MAGI1: variants seen among roughly 807,000 people sequenced by gnomAD.
The protein encoded by MAGI1 is membrane-associated guanylate kinase, WW and PDZ domain-containing protein 1.
Under a neutral mutation model 139.9 loss-of-function variants are expected in MAGI1, and 58 were observed. The ratio of observed to expected loss-of-function variants is 0.41; its 90% CI spans 0.34 to 0.52. MAGI1 has a LOEUF of 0.52. Among genes scored for constraint, MAGI1 ranks in the 20% least tolerant of loss-of-function variants. MAGI1 has a pLI of 0.12. For missense variants in MAGI1, 1,874 were observed against 1,901.6 expected (o/e 0.99, Z 0.27); for synonymous variants, 812 against 737.9 (o/e 1.10, Z -1.63).
At chr3:65,955,932 A>G (rs2064106020) in intron 1 of MAGI1, among the ~76,000 whole-genome samples, 1 of 152,106 alleles carries the variant, frequency 6.6e-6, no homozygotes, top group Non-Finnish European at 1.5e-5. Context: ...GTGTCAAAAC[A>G]CAAGCTGAAG....
intron 1 of MAGI1, among the ~76,000 whole-genome samples, chr3:65,700,454 T>C (rs2089517641): frequency 6.6e-6 from 1 of 151,772 alleles, no homozygotes; most frequent in East Asian, 1.9e-4. Flanking sequence ...CATCTCAAAA[T>C]AAATAAATAA....
intron 1 of MAGI1, among the ~76,000 whole-genome samples, chr3:66,025,454 C>T (rs1209660803): frequency 2.0e-5 from 3 of 152,004 alleles, no homozygotes; most frequent in African/African-American, 4.8e-5. Context: ...ATGGGAAGAT[C>T]GCTTGAGCCC....
chr3:65,970,141 C>A lies in MAGI1; in HGVS notation c.313+67855G>T, dbSNP rs576649856. Among the ~76,000 whole-genome samples, 569 of 152,234 alleles carry A rather than the reference C, an allele frequency of 3.7e-3. 2 individuals carry two copies. Among genetic ancestry groups the A allele is most frequent in the African/African-American group, 0.013 (544 of 41,534 alleles). ...AACAAATCGAGGTGTGCATACATGG[C>A]AGAATATTTATTAAGCTCTAAAAAA... On this transcript the variant is annotated intron_variant, in intron 1 of 22. Coordinates refer to ENST00000402939, the MANE Select transcript of MAGI1 (RefSeq NM_001033057.2).
At chr3:65,488,855 T>A (rs1951798748) in intron 3 of MAGI1, among the ~76,000 whole-genome samples, 1 of 151,592 alleles carries the variant, frequency 6.6e-6, no homozygotes, top group Admixed American at 6.6e-5. Flanking sequence ...TATTTTTTTA[T>A]AGAGATGGGG....
chr3:65,453,271 C>G lies in MAGI1; in HGVS notation c.1029G>C (p.Glu343Asp). The part of the protein sequence containing the change: ...CLNKQQKPLE[E>D]CEDDEGVHTE... ...CTGGCCCCTTACCATCATCTTCACA[C>G]TCTTCCAGTGGCTTCTGCTGCTTGT... is the stretch of plus-strand genomic sequence containing the variant. Residue 343 changes from glutamate (E) to aspartate (D), a missense_variant, in exon 6 of 23, where the codon GAG (glutamate) becomes GAC (aspartate). By Grantham distance (45) the Glu-to-Asp change is conservative (BLOSUM62 2). Coordinates refer to ENST00000402939, the MANE Select transcript of MAGI1 (RefSeq NM_001033057.2). 1 of 1,613,768 alleles carries G rather than the reference C, an allele frequency of 6.2e-7. No individual in the cohort carries two copies. Among genetic ancestry groups the G allele is most frequent in the South Asian group, 1.1e-5 (1 of 91,076 alleles).
At chr3:65,791,075 A>G (rs1417839919) in intron 1 of MAGI1, among the ~76,000 whole-genome samples, 1 of 152,176 alleles carries the variant, frequency 6.6e-6, no homozygotes, top group Non-Finnish European at 1.5e-5. Context: ...ACTCCTCAAA[A>G]AAAAACCTTA....
chr3:65,867,366 T>A (rs2059765393), intron 1 of MAGI1, among the ~76,000 whole-genome samples: 1 of 152,176 alleles, frequency 6.6e-6, no homozygotes. Flanking sequence ...CAATCAACTG[T>A]AGAACAATTC....
intron 1 of MAGI1, among the ~76,000 whole-genome samples, chr3:65,943,348 G>C (rs2063400394): frequency 6.6e-6 from 1 of 152,002 alleles, no homozygotes; most frequent in Non-Finnish European, 1.5e-5. Context: ...GGCCAAGGTG[G>C]GCAGATCACG....
chr3:65,473,639 C>CAAAAAAAAAA, intron 4 of MAGI1, among the ~76,000 whole-genome samples: 1 of 87,356 alleles, frequency 1.1e-5, no homozygotes, highest in Non-Finnish European at 2.1e-5. Flanking sequence ...TACATGTTTA[C>CAAAAAAAAAA]AAAAAAAAAA....
At chr3:65,366,254 A>T (rs907137138) in intron 18 of MAGI1, among the ~76,000 whole-genome samples, 1 of 152,216 alleles carries the variant, frequency 6.6e-6, no homozygotes. Context: ...GAGACCTTGT[A>T]TAAGTTATTT....
intron 1 of MAGI1, among the ~76,000 whole-genome samples, chr3:65,631,109 A>G (rs567145631): frequency 6.6e-6 from 1 of 152,364 alleles, no homozygotes; most frequent in African/African-American, 2.4e-5. Flanking sequence ...CAAGTCCTGA[A>G]GTAGCCTAGA....
rs781735668 is a variant in MAGI1 at position 65,364,723 on chromosome 3, T to C, written c.3293A>G (p.Asn1098Ser). The C allele has an allele frequency of 8.1e-6, 13 of 1,613,908 alleles. No homozygotes were observed. The Admixed American group carries it at 2.2e-4, about 27-fold the overall frequency. Residue 1098 changes from asparagine (N) to serine (S), a missense_variant and splice_region_variant, in exon 20 of 23, where the codon AAT becomes AGT. Around this residue, in one of 5 missense-constraint regions of MAGI1, gnomAD observed 653 missense variants for 644.5 expected, o/e 1.01. Transcript: ENST00000402939. ...PSQQGTQETR[N>S]TTKPKQESQF... Reference sequence around the variant, plus strand: ...AGATTCCTGCTTTGGTTTGGTGGTATTCCTGCCAAAGTGAAAGAAATAAAT... The same window carrying C: ...AGATTCCTGCTTTGGTTTGGTGGTACTCCTGCCAAAGTGAAAGAAATAAAT...
chr3:65,670,411 T>C (rs998080020), intron 1 of MAGI1, among the ~76,000 whole-genome samples: 1 of 151,998 alleles, frequency 6.6e-6, no homozygotes, highest in South Asian at 2.1e-4. Flanking sequence ...TTTTTTTTAA[T>C]ATGGCTCAAG....
intron 1 of MAGI1, among the ~76,000 whole-genome samples, chr3:65,721,102 T>C (rs2032962515): frequency 2.0e-5 from 3 of 152,296 alleles, no homozygotes; most frequent in Admixed American, 1.3e-4. Flanking sequence ...GGGATGGCCC[T>C]GCAGTGTAGC....
intron 18 of MAGI1, among the ~76,000 whole-genome samples, chr3:65,373,980 T>G (rs1361065810): frequency 6.6e-6 from 1 of 152,224 alleles, no homozygotes; most frequent in African/African-American, 2.4e-5. Context: ...TTTCAAATCT[T>G]GAACTATAAA....
At chr3:65,377,787 T>C (rs985449198) in intron 17 of MAGI1, among the ~76,000 whole-genome samples, 3 of 152,198 alleles carry the variant, frequency 2.0e-5, no homozygotes, top group Non-Finnish European at 4.4e-5. Flanking sequence ...AAAGCACTGT[T>C]AGTAATAGGC....
At chr3:65,486,930 T>C (rs1008893861) in intron 3 of MAGI1, among the ~76,000 whole-genome samples, 2 of 152,192 alleles carry the variant, frequency 1.3e-5, no homozygotes, top group East Asian at 3.9e-4. Flanking sequence ...CTAGGAGTTA[T>C]CTTAGGAGGA....
At position 65,717,632 on chromosome 3, in the gene MAGI1, ACAT is replaced by A. The variant is rs2032433095; in HGVS notation, c.314-95547_314-95545del. ...AGAAACTGATATAACACTGAGGACA[ACAT>A]AAAAACGGAGATGAAAACATCTTGC... On this transcript the variant is annotated intron_variant, in intron 1 of 22. Coordinates refer to ENST00000402939, the MANE Select transcript of MAGI1 (RefSeq NM_001033057.2). 2.0e-5 allele frequency: 3 copies of A among 152,358 alleles called. No homozygotes were observed. The South Asian group carries it at 6.2e-4, about 32-fold the overall frequency. The allele number at this position is 152,358 out of a possible 1,614,324, so 9.4% of individuals were successfully genotyped here. A position where few individuals can be genotyped will look rare whatever the true frequency, so the allele number is the denominator to read the frequency against.
intron 1 of MAGI1, among the ~76,000 whole-genome samples, chr3:65,814,180 A>C (rs2041458133): frequency 6.6e-6 from 1 of 152,172 alleles, no homozygotes; most frequent in African/African-American, 2.4e-5. Flanking sequence ...TTACTCTGCC[A>C]GACACAGGGT....
Sources: gnomAD v4.1 joint callset for allele counts (sites outside exome capture counted in the v4.1 genomes callset) on GRCh38, gnomAD v4.1.1 for gene constraint, gnomAD v4.1.1 regional missense constraint, MANE v1.5 for transcripts, NCBI Gene and HGNC (gene_info 2026-07-23, HGNC 2026-07-21) for gene names.